The following WRN variants were observed in gnomAD, a reference collection of about 807,000 sequenced individuals.
WRN encodes the protein bifunctional 3'-5' exonuclease/ATP-dependent helicase WRN.
Under a neutral mutation model 180.7 loss-of-function variants are expected in WRN, and 149 were observed. The ratio of observed to expected loss-of-function variants is 0.82; its 90% CI spans 0.72 to 0.94. The LOEUF (loss-of-function observed/expected upper bound fraction) is 0.94, where lower values mean the gene tolerates loss of function less well. WRN is among the 40% of genes least tolerant of loss of function. WRN has a pLI of 0.00. For missense variants in WRN, 1,661 were observed against 1,700.1 expected (o/e 0.98, Z 0.40); for synonymous variants, 548 against 568.9 (o/e 0.96, Z 0.52).
In WRN at chr8:31,165,392, GCA is replaced by G. The variant is rs558230174; in HGVS notation, c.3983-1628_3983-1627del. Among the ~76,000 whole-genome samples, 13 of 152,080 alleles carry G rather than the reference GCA, an allele frequency of 8.5e-5. No homozygotes were observed. The South Asian group carries it at 2.7e-3, about 32-fold the overall frequency. ...AAATTTATATGGTCTTTCTAAAACA[GCA>G]CTGTCAGTAGAAATACAATGTGAGC... On this transcript the variant is annotated intron_variant, in intron 33 of 34. Transcript: ENST00000298139.
At chr8:31,076,374 A>G (rs1813097883) in intron 8 of WRN, 87 bp downstream of exon 8, 1 of 1,140,644 alleles carries the variant, frequency 8.8e-7, no homozygotes, top group African/African-American at 1.6e-5. Context: ...AATACTATTC[A>G]TTAAGGCTGA....
At chr8:31,107,585 GC>G (rs1407580484) in intron 18 of WRN, among the ~76,000 whole-genome samples, 1 of 152,160 alleles carries the variant, frequency 6.6e-6, no homozygotes, top group African/African-American at 2.4e-5. Context: ...GGTGAGACAT[GC>G]CACCTGGTGG....
intron 24 of WRN, among the ~76,000 whole-genome samples, 187 bp from the exon 25 acceptor site, chr8:31,141,243 T>C (rs976889654): frequency 2.0e-5 from 3 of 152,182 alleles, no homozygotes; most frequent in Non-Finnish European, 4.4e-5. Context: ...AAAAGGAACA[T>C]TATTTTGATA....
intron 23 of WRN, among the ~76,000 whole-genome samples, chr8:31,130,764 A>T (rs1167272855): frequency 6.6e-6 from 1 of 151,326 alleles, no homozygotes; most frequent in Non-Finnish European, 1.5e-5. Flanking sequence ...ACATAAAAAC[A>T]GTTGTAAAAT....
chr8:31,088,969 A>C lies in WRN; in HGVS notation c.1652+4A>C, dbSNP rs373489931. 21 of 1,607,604 alleles carry C rather than the reference A, an allele frequency of 1.3e-5. No homozygotes were observed. Among genetic ancestry groups the C allele is most frequent in the Admixed American group, 3.4e-5 (2 of 59,646 alleles). On this transcript the variant is annotated splice_donor_region_variant and intron_variant, in intron 13 of 34. Transcript: ENST00000298139. ...TTGGCCATTCCAGTTTTAAACCGTG[A>C]GTATAATCTCATTTAATCAAATCAC...
chr8:31,148,950 C>T (rs1430501826), intron 30 of WRN, among the ~76,000 whole-genome samples: 1 of 152,110 alleles, frequency 6.6e-6, no homozygotes, highest in Non-Finnish European at 1.5e-5. Context: ...AATTATTTCC[C>T]AAGAATAGTT....
rs747782749 is a variant in WRN, at chr8:31,142,695, G to A, written c.3303G>A (p.Glu1101=). ...AAGTACCAGTTGAATTAAGTACAGA[G>A]AAGAAGGTTTGTTTTAAAGAAATTG... is the stretch of plus-strand genomic sequence containing the variant. ...YNQVPVELST[E]KKSNLEKLYS... is the part of the protein sequence containing the mutation. Residue 1101 remains glutamate (E), a synonymous_variant, in exon 27 of 35, where the codon GAG becomes GAA. Coordinates refer to ENST00000298139, the MANE Select transcript of WRN (RefSeq NM_000553.6). The A allele has an allele frequency of 1.2e-6, 2 of 1,601,940 alleles. No individual in the cohort carries two copies. The highest frequency in any genetic ancestry group is 2.3e-5 in the South Asian group (2 of 87,520).
chr8:31,059,587 A>G (rs1401244127), intron 3 of WRN, among the ~76,000 whole-genome samples: 1 of 152,186 alleles, frequency 6.6e-6, no homozygotes, highest in Non-Finnish European at 1.5e-5. Context: ...GCTACTGAAC[A>G]TACTGTGTTT....
intron 33 of WRN, among the ~76,000 whole-genome samples, chr8:31,163,541 A>G (rs1484360893): frequency 3.3e-5 from 5 of 152,164 alleles, no homozygotes; most frequent in African/African-American, 1.2e-4. Context: ...GAAATATGCA[A>G]TTTCTAATCC....
At chr8:31,076,100 A>T in intron 7 of WRN, 73 bp from the exon 8 acceptor site, 1 of 1,227,770 alleles carries the variant, frequency 8.1e-7, no homozygotes, top group Non-Finnish European at 1.2e-6. Context: ...CCCTAATATT[A>T]TTTAATGAAG....
chr8:31,116,855 T>G (rs1401938266), intron 20 of WRN, among the ~76,000 whole-genome samples: 1 of 152,050 alleles, frequency 6.6e-6, no homozygotes, highest in Non-Finnish European at 1.5e-5. Flanking sequence ...GGAAAGGAAT[T>G]GGTTATAGAA....
At chr8:31,068,620 T>A (rs926391702) in intron 7 of WRN, among the ~76,000 whole-genome samples, 2 of 152,200 alleles carry the variant, frequency 1.3e-5, no homozygotes, top group African/African-American at 4.8e-5. Context: ...TTTCTCCTAG[T>A]CTGGAGATTA....
At chr8:31,088,731 C>A (rs2130162597) in intron 12 of WRN, among the ~76,000 whole-genome samples, 159 bp from the exon 13 acceptor site, 1 of 151,820 alleles carries the variant, frequency 6.6e-6, no homozygotes, top group Non-Finnish European at 1.5e-5. Flanking sequence ...CAGATGGTAC[C>A]CAGAAGACCA....
chr8:31,126,022 G>A (rs1387687271), intron 23 of WRN, among the ~76,000 whole-genome samples: 2 of 148,918 alleles, frequency 1.3e-5, no homozygotes, highest in African/African-American at 2.5e-5. Context: ...AAGACTGACA[G>A]AACTGAAAGG....
At chr8:31,037,767 G>A (rs541154203) in intron 1 of WRN, among the ~76,000 whole-genome samples, 3 of 152,138 alleles carry the variant, frequency 2.0e-5, no homozygotes, top group Non-Finnish European at 4.4e-5. Flanking sequence ...TGCCAGTACC[G>A]TGCTGTTTTA....
rs1431175442 is a variant in WRN, at chr8:31,173,939, T to C, written c.*837T>C. Among the ~76,000 whole-genome samples, 3 of 152,310 alleles carry C rather than the reference T, an allele frequency of 2.0e-5. No homozygotes were observed. Among genetic ancestry groups the C allele is most frequent in the East Asian group, 3.9e-4 (2 of 5,188 alleles). On this transcript the variant is annotated 3_prime_UTR_variant, in exon 35 of 35. Transcript: ENST00000298139. ...TTAACTTTAAGCAGTTCACCATCCA[T>C]TTCAAAGCCTTTGATTGGCTTTTTT... is the stretch of plus-strand genomic sequence containing the variant.
intron 8 of WRN, among the ~76,000 whole-genome samples, chr8:31,078,282 T>C (rs1477419939): frequency 6.6e-6 from 1 of 152,222 alleles, no homozygotes; most frequent in Non-Finnish European, 1.5e-5. Flanking sequence ...TCTTATTTCA[T>C]GCTCTTTGTA....
chr8:31,079,863 A>G (rs1006691453), intron 8 of WRN, among the ~76,000 whole-genome samples: 2 of 151,912 alleles, frequency 1.3e-5, no homozygotes, highest in African/African-American at 4.8e-5. Flanking sequence ...GCAAAACGGT[A>G]TCATCAAAAT....
chr8:31,112,528 AG>A (rs1801359468), intron 19 of WRN, among the ~76,000 whole-genome samples: 1 of 152,020 alleles, frequency 6.6e-6, no homozygotes, highest in Non-Finnish European at 1.5e-5. Flanking sequence ...TTTTGTTTAA[AG>A]GCATTTTAAA....
Sources: gnomAD v4.1 joint callset for allele counts (sites outside exome capture counted in the v4.1 genomes callset) on GRCh38, gnomAD v4.1.1 for gene constraint, MANE v1.5 for transcripts, NCBI Gene and HGNC (gene_info 2026-07-23, HGNC 2026-07-21) for gene names.